Variants in TNS1 observed in about 807,000 individuals in gnomAD.
TNS1 encodes the protein tensin 1, also known as tensin-1.
In TNS1, 62 loss-of-function variants were observed where a neutral mutation model predicts 168.6. The ratio of observed to expected loss-of-function variants is 0.37; its 90% CI spans 0.30 to 0.45. TNS1 has a LOEUF of 0.45. TNS1 is among the 20% of genes least tolerant of loss of function. TNS1 has a pLI of 1.00. For missense variants in TNS1, 2,240 were observed against 2,339.4 expected (o/e 0.96, Z 0.88); for synonymous variants, 934 against 933.2 (o/e 1.00, Z -0.02).
intron 1 of TNS1, among the ~76,000 whole-genome samples, chr2:218,020,839 C>G (rs960615696): frequency 2.2e-4 from 34 of 152,156 alleles, no homozygotes; most frequent in African/African-American, 3.9e-4. Flanking sequence ...ACCAATCCCC[C>G]CTTGACTATC....
chr2:217,857,370 C>G (rs1948263329), intron 18 of TNS1, among the ~76,000 whole-genome samples: 1 of 152,152 alleles, frequency 6.6e-6, no homozygotes, highest in Non-Finnish European at 1.5e-5. Context: ...AGTACAAAAC[C>G]AACTCCTGGC....
intron 13 of TNS1, 75 bp from the exon 14 acceptor site, chr2:217,886,179 GAGAA>G (rs1032010739): frequency 1.4e-6 from 2 of 1,463,160 alleles, no homozygotes; most frequent in African/African-American, 1.4e-5. Context: ...ACAGTGAAGG[GAGAA>G]AGAGAGAAAG....
intron 1 of TNS1, among the ~76,000 whole-genome samples, chr2:217,994,431 C>T (rs1559405750): frequency 6.6e-6 from 1 of 152,122 alleles, no homozygotes. Flanking sequence ...AAAGCCAGCT[C>T]TCCTGGTCCG....
chr2:217,816,482 C>A (rs1415094238), intron 24 of TNS1, among the ~76,000 whole-genome samples: 9 of 152,156 alleles, frequency 5.9e-5, no homozygotes, highest in Non-Finnish European at 1.5e-5. Flanking sequence ...GGTCAGCTCC[C>A]TTTCCTGGCA....
At chr2:217,985,067 ATTT>A (rs752091228) in intron 2 of TNS1, among the ~76,000 whole-genome samples, 6 of 135,648 alleles carry the variant, frequency 4.4e-5, no homozygotes, top group Admixed American at 7.5e-5. Context: ...CCATTATGAG[ATTT>A]TTTTTTTTTT....
At chr2:217,828,109 C>T (rs1943876686) in intron 22 of TNS1, among the ~76,000 whole-genome samples, 1 of 152,232 alleles carries the variant, frequency 6.6e-6, no homozygotes, top group African/African-American at 2.4e-5. Flanking sequence ...CCAGGACCAG[C>T]AGTCAGCCTC....
Position 217,804,290 on chromosome 2 carries a change from T to TCTCTC in TNS1, c.*168_*169insGAGAG, listed in dbSNP as rs1937985444. 6 of 504,732 alleles carry TCTCTC rather than the reference T, an allele frequency of 1.2e-5. No individual in the cohort carries two copies. The highest frequency in any genetic ancestry group is 8.5e-5 in the African/African-American group (3 of 35,472). The allele number at this position is 504,732 out of a possible 1,614,324, so 31.3% of individuals were successfully genotyped here. A position where few individuals can be genotyped will look rare whatever the true frequency, so the allele number is the denominator to read the frequency against. On this transcript the variant is annotated 3_prime_UTR_variant, in exon 33 of 33. Coordinates refer to ENST00000682258, the MANE Select transcript of TNS1 (RefSeq NM_001387777.1). ...TCTCTCTCTCTCTCTCTCTCTCTCTTTTCCCCCTCCCCTCTGCAATTCACT... is the reference window on the plus strand; with the variant it reads ...TCTCTCTCTCTCTCTCTCTCTCTCTTCTCTCTTCCCCCTCCCCTCTGCAATTCACT...
chr2:218,009,954 G>A (rs1958690900), intron 1 of TNS1: 1 of 392,938 alleles, frequency 2.5e-6, no homozygotes, highest in South Asian at 1.4e-4. Flanking sequence ...CTGAGAACCA[G>A]GCTGACGATG....
At chr2:217,874,971 T>C (rs1201972406) in intron 18 of TNS1, among the ~76,000 whole-genome samples, 2 of 152,192 alleles carry the variant, frequency 1.3e-5, no homozygotes, top group African/African-American at 4.8e-5. Flanking sequence ...TCAACCTTAT[T>C]TCCAGCTTCT....
chr2:217,953,748 G>A (rs1286924828), intron 3 of TNS1, among the ~76,000 whole-genome samples: 1 of 152,174 alleles, frequency 6.6e-6, no homozygotes, highest in African/African-American at 2.4e-5. Context: ...GAGGGGACGT[G>A]GGATGTGCTG....
intron 32 of TNS1, among the ~76,000 whole-genome samples, chr2:217,806,315 C>T (rs1003234154): frequency 2.0e-5 from 3 of 152,278 alleles, no homozygotes; most frequent in Non-Finnish European, 4.4e-5. Flanking sequence ...ATCCCAAGAT[C>T]TAACATCTCC....
intron 3 of TNS1, among the ~76,000 whole-genome samples, chr2:217,946,082 T>C (rs1162126218): frequency 1.3e-5 from 2 of 152,206 alleles, no homozygotes; most frequent in Non-Finnish European, 2.9e-5. Context: ...AGCTCTGCAG[T>C]GGAACATCCC....
chr2:217,994,767 G>A (rs959301826), intron 1 of TNS1, among the ~76,000 whole-genome samples: 1 of 152,246 alleles, frequency 6.6e-6, no homozygotes, highest in Admixed American at 6.5e-5. Context: ...TGGAGGGCAG[G>A]GACAGGGCTT....
intron 2 of TNS1, among the ~76,000 whole-genome samples, chr2:217,979,778 G>A (rs1428508444): frequency 6.6e-6 from 1 of 152,060 alleles, no homozygotes; most frequent in Non-Finnish European, 1.5e-5. Context: ...GCTAAGGCTG[G>A]GGGGTTAGGA....
intron 3 of TNS1, among the ~76,000 whole-genome samples, chr2:217,965,842 C>T (rs956568434): frequency 2.6e-5 from 4 of 152,234 alleles, no homozygotes; most frequent in South Asian, 2.1e-4. Context: ...CCCACCTCAC[C>T]GATAGAGCTC....
upstream of TNS1, among the ~76,000 whole-genome samples, chr2:218,011,080 A>C (rs2106000725): frequency 1.3e-5 from 2 of 151,974 alleles, no homozygotes; most frequent in South Asian, 2.1e-4. Context: ...CTGGACCAGC[A>C]CTCTAGGGCT....
intron 3 of TNS1, among the ~76,000 whole-genome samples, chr2:217,943,601 C>G (rs151051020): frequency 3.3e-5 from 5 of 152,320 alleles, no homozygotes; most frequent in African/African-American, 1.2e-4. Flanking sequence ...CAGGGACAAG[C>G]CGCACCCCAG....
At chr2:217,976,531 G>T (rs947711915) in intron 3 of TNS1, among the ~76,000 whole-genome samples, 2 of 152,208 alleles carry the variant, frequency 1.3e-5, no homozygotes, top group African/African-American at 4.8e-5. Context: ...CCTGGTTGCT[G>T]CCCTGCCAGT....
At chr2:218,010,005 A>T (rs1213665734) in intron 1 of TNS1, 1 of 356,324 alleles carries the variant, frequency 2.8e-6, no homozygotes. Flanking sequence ...GTAGTAAGTC[A>T]GATCGAATGC....
Sources: allele counts gnomAD v4.1 joint callset (sites outside exome capture counted in the v4.1 genomes callset), GRCh38; gene constraint gnomAD v4.1.1; transcripts MANE v1.5; gene names NCBI Gene and HGNC (gene_info 2026-07-23, HGNC 2026-07-21).